TRIM44: variants seen among roughly 807,000 people sequenced by gnomAD.
The protein encoded by TRIM44 is tripartite motif-containing protein 44.
TRIM44 carries 13 observed loss-of-function variants against 37.4 expected under a neutral mutation model. That is an observed-to-expected ratio of 0.35 (90% CI 0.23 to 0.55). The LOEUF (loss-of-function observed/expected upper bound fraction) is 0.55. Ranked by LOEUF, TRIM44 falls within the 20% of genes least tolerant of loss-of-function variation. TRIM44 has a pLI of 0.89. For synonymous variants in TRIM44, 175 were observed against 157.2 expected, an observed-to-expected ratio of 1.11 and a Z score of -0.85; for missense variants, 426 against 437.2, an observed-to-expected ratio of 0.97 and a Z score of 0.23.
chr11:35,797,103 G>T (rs1303223730), intron 4 of TRIM44, among the ~76,000 whole-genome samples: 1 of 152,158 alleles, frequency 6.6e-6, no homozygotes, highest in Admixed American at 6.5e-5. Context: ...GCTGTGTAGT[G>T]CTAGAAAGTA....
chr11:35,714,260 C>G (rs1590534855), intron 2 of TRIM44, among the ~76,000 whole-genome samples: 6 of 152,110 alleles, frequency 3.9e-5, no homozygotes, highest in Admixed American at 3.9e-4. Flanking sequence ...GCTGATGGTT[C>G]TGTGTGCCCG....
intron 2 of TRIM44, among the ~76,000 whole-genome samples, chr11:35,709,590 C>T (rs1233994547): frequency 6.6e-6 from 1 of 152,186 alleles, no homozygotes. Flanking sequence ...AGCCCAGTTT[C>T]CGTCATGACT....
At chr11:35,735,636 T>C (rs1328582474) in intron 4 of TRIM44, among the ~76,000 whole-genome samples, 191 bp downstream of exon 4, 2 of 152,202 alleles carry the variant, frequency 1.3e-5, no homozygotes, top group African/African-American at 4.8e-5. Context: ...TTCCTGCCTG[T>C]AACCTTCAGA....
In TRIM44 at chr11:35,663,317, C is replaced by G. The variant is rs762881300; in HGVS notation, c.206C>G (p.Pro69Arg). The change falls in exon 1 of 5, where the codon CCG (proline) becomes CGG (arginine). Residue 69 changes from proline (P) to arginine (R), a missense_variant. By Grantham distance (103) the Pro-to-Arg change is moderately radical. Transcript: ENST00000299413. ...GTCCACGGCTCCCAGGCCTGGACCC[C>G]GCCAGCTGACGGAGAGGGGGCGGGG... is the stretch of plus-strand genomic sequence containing the variant. ...EYVHGSQAWT[P>R]PADGEGAGKE... 5.0e-6 allele frequency: 8 copies of G among 1,613,820 alleles called. No homozygotes were observed. In the African/African-American group the frequency reaches 9.3e-5, roughly 19 times the overall value.
At chr11:35,745,132 T>C (rs188231331) in intron 4 of TRIM44, among the ~76,000 whole-genome samples, 1 of 152,300 alleles carries the variant, frequency 6.6e-6, no homozygotes, top group East Asian at 1.9e-4. Flanking sequence ...TCTAGGTCTT[T>C]GAGGAATCAC....
intron 4 of TRIM44, among the ~76,000 whole-genome samples, chr11:35,743,639 T>C (rs1820960369): frequency 6.6e-6 from 1 of 152,212 alleles, no homozygotes; most frequent in Admixed American, 6.5e-5. Context: ...TAATTTATTC[T>C]TTCTTTTCTT....
chr11:35,706,337 G>A (rs1174666150), intron 2 of TRIM44, among the ~76,000 whole-genome samples: 10 of 152,034 alleles, frequency 6.6e-5, no homozygotes, highest in Non-Finnish European at 1.2e-4. Flanking sequence ...AGAGGTACAA[G>A]GAGTAAATGG....
In TRIM44 at chr11:35,814,519, C is replaced by G. The variant is rs575471462; in HGVS notation, c.*8134C>G. ...CACTCTGGGGTAACCTGGCCCTGAT[C>G]TGATGACGCTAAGATTTAAAAACCC... On this transcript the variant is annotated 3_prime_UTR_variant, in exon 5 of 5. Coordinates refer to ENST00000299413, the MANE Select transcript of TRIM44 (RefSeq NM_017583.6). 3 of 152,264 alleles carry G rather than the reference C, an allele frequency of 2.0e-5. No individual in the cohort carries two copies. The South Asian group carries it at 6.2e-4, about 32-fold the overall frequency. The allele number at this position is 152,264 out of a possible 1,614,324, so 9.4% of individuals were successfully genotyped here.
chr11:35,813,079 A>G lies in TRIM44; in HGVS notation c.*6694A>G, dbSNP rs1853545315. 1 of 152,198 alleles carries G rather than the reference A, an allele frequency of 6.6e-6. No individual in the cohort carries two copies. The highest frequency in any genetic ancestry group is 1.5e-5 in the Non-Finnish European group (1 of 68,044). 9.4% of individuals were successfully genotyped at this position (152,198 alleles called of 1,614,324 possible). A position where few individuals can be genotyped will look rare whatever the true frequency, so the allele number is the denominator to read the frequency against. On this transcript the variant is annotated 3_prime_UTR_variant, in exon 5 of 5. Coordinates refer to ENST00000299413, the MANE Select transcript of TRIM44 (RefSeq NM_017583.6). The stretch of plus-strand genomic sequence containing the variant: ...AGCTTCATATTCTTGGAAAGGGACA[A>G]CAGCAAAAGGAGCTTATCTGTTTTA...
chr11:35,787,991 A>G (rs1342069822), intron 4 of TRIM44, among the ~76,000 whole-genome samples: 2 of 152,260 alleles, frequency 1.3e-5, no homozygotes, highest in Non-Finnish European at 1.5e-5. Context: ...ATGCCAGCCT[A>G]TGGCAGTTGT....
chr11:35,704,048 T>C (rs930652032), intron 2 of TRIM44, among the ~76,000 whole-genome samples: 2 of 151,726 alleles, frequency 1.3e-5, no homozygotes, highest in Non-Finnish European at 2.9e-5. Context: ...GAATAACCAA[T>C]ACAGAGAAGT....
At chr11:35,710,157 T>C (rs2135507344) in intron 2 of TRIM44, among the ~76,000 whole-genome samples, 1 of 152,292 alleles carries the variant, frequency 6.6e-6, no homozygotes, top group African/African-American at 2.4e-5. Context: ...TTTTCAATCT[T>C]GTCTATTAAG....
chr11:35,680,691 T>C (rs774468271), intron 1 of TRIM44, among the ~76,000 whole-genome samples: 2 of 152,132 alleles, frequency 1.3e-5, no homozygotes, highest in Non-Finnish European at 2.9e-5. Flanking sequence ...AAAGGAGAAG[T>C]GGATTGGTAG....
intron 4 of TRIM44, among the ~76,000 whole-genome samples, chr11:35,738,978 A>G (rs1437200526): frequency 6.6e-6 from 1 of 152,184 alleles, no homozygotes; most frequent in African/African-American, 2.4e-5. Flanking sequence ...TCCTATGGAA[A>G]CATATTTGTC....
At chr11:35,675,359 C>G (rs1312363930) in intron 1 of TRIM44, among the ~76,000 whole-genome samples, 1 of 152,174 alleles carries the variant, frequency 6.6e-6, no homozygotes, top group Non-Finnish European at 1.5e-5. Context: ...GTTTATTTCT[C>G]TGTCACATAA....
intron 4 of TRIM44, among the ~76,000 whole-genome samples, chr11:35,742,467 A>AT (rs1564991473): frequency 7.4e-6 from 1 of 135,162 alleles, no homozygotes; most frequent in African/African-American, 2.8e-5. Flanking sequence ...AATTACAATT[A>AT]ATATAATTAT....
At chr11:35,758,512 A>C (rs1374176577) in intron 4 of TRIM44, among the ~76,000 whole-genome samples, 3 of 152,050 alleles carry the variant, frequency 2.0e-5, no homozygotes, top group Non-Finnish European at 2.9e-5. Flanking sequence ...TAAGATTAAT[A>C]TTGTTATGTG....
intron 2 of TRIM44, among the ~76,000 whole-genome samples, chr11:35,713,113 A>C (rs1023498798): frequency 1.3e-5 from 2 of 152,174 alleles, no homozygotes; most frequent in Non-Finnish European, 2.9e-5. Flanking sequence ...CTCCTGATTG[A>C]CTGCATTTAG....
chr11:35,682,584 C>T (rs1290338602), intron 1 of TRIM44, among the ~76,000 whole-genome samples: 2 of 152,302 alleles, frequency 1.3e-5, no homozygotes, highest in South Asian at 2.1e-4. Flanking sequence ...ATAGCAGGCT[C>T]ATCATAGAGC....
Sources: allele counts gnomAD v4.1 joint callset (sites outside exome capture counted in the v4.1 genomes callset), GRCh38; gene constraint gnomAD v4.1.1; transcripts MANE v1.5; gene names NCBI Gene and HGNC (gene_info 2026-07-23, HGNC 2026-07-21).